Variants in TMEM74 observed in about 807,000 individuals in gnomAD.
TMEM74 encodes the protein transmembrane protein 74.
A neutral mutation model predicts 18.1 loss-of-function variants in TMEM74; 13 were observed. That is an observed-to-expected ratio of 0.72 (90% confidence interval 0.47 to 1.14). The LOEUF is 1.14. Among genes scored for constraint, TMEM74 ranks in the 50% most tolerant of loss-of-function variants. The pLI, the probability that TMEM74 is intolerant of heterozygous loss-of-function variation, is 0.00. For synonymous variants in TMEM74, 159 were observed against 146.6 expected, an observed-to-expected ratio of 1.08 and a Z score of -0.61; for missense variants, 372 against 375.9, an observed-to-expected ratio of 0.99 and a Z score of 0.09.
intron 1 of TMEM74, among the ~76,000 whole-genome samples, chr8:108,759,864 T>A (rs756825365): frequency 6.6e-6 from 1 of 152,118 alleles, no homozygotes; most frequent in Non-Finnish European, 1.5e-5. Flanking sequence ...TTTTGACCTG[T>A]AATAGGAAGA....
chr8:108,688,330 A>C (rs1293911535), intron 1 of TMEM74, among the ~76,000 whole-genome samples: 1 of 152,240 alleles, frequency 6.6e-6, no homozygotes, highest in Admixed American at 6.5e-5. Flanking sequence ...TTTCTTAGAT[A>C]CTGCCCTTGA....
At chr8:108,615,484 T>TA (rs1419293382) in intron 2 of TMEM74, among the ~76,000 whole-genome samples, 2 of 152,218 alleles carry the variant, frequency 1.3e-5, no homozygotes, top group Non-Finnish European at 2.9e-5. Flanking sequence ...GCCACTTCTC[T>TA]ATTGACAACT....
intron 1 of TMEM74, among the ~76,000 whole-genome samples, chr8:108,769,115 C>T (rs1814142916): frequency 6.7e-6 from 1 of 150,154 alleles, no homozygotes. Context: ...CCAGCCTGGC[C>T]AACATGGTGA....
chr8:108,667,877 G>A lies in TMEM74; in HGVS notation n.120-12440C>T, dbSNP rs570391138. On this transcript the variant is annotated intron_variant and non_coding_transcript_variant, in intron 1 of 3. Transcript: ENST00000518838. ...CCTCTTTAAATGAACGAAATTGAACGCCTAGTACCTCCTCCCATAATACTA... is the reference window on the plus strand; with the variant it reads ...CCTCTTTAAATGAACGAAATTGAACACCTAGTACCTCCTCCCATAATACTA... Among the ~76,000 whole-genome samples, 12 of 152,084 alleles carry A rather than the reference G, an allele frequency of 7.9e-5. No homozygotes were observed. In the East Asian group the frequency reaches 1.5e-3, roughly 20 times the overall value.
intron 2 of TMEM74, among the ~76,000 whole-genome samples, chr8:108,620,150 G>A (rs1015092474): frequency 2.0e-5 from 3 of 152,170 alleles, no homozygotes; most frequent in African/African-American, 7.2e-5. Context: ...GTTAATGCAT[G>A]TATGTTATAC....
At position 108,787,503 on chromosome 8, in the gene TMEM74, C is replaced by A. The variant is rs1158114043; in HGVS notation, c.-67G>T. ...TCTGCTTCGGCCACCCGGTGCGGCT[C>A]CAGCACCGCGCGCTCTCCCGGCACG... is the stretch of plus-strand genomic sequence containing the variant. On this transcript the variant is annotated 5_prime_UTR_variant, in exon 1 of 2. Coordinates refer to ENST00000297459, the MANE Select transcript of TMEM74 (RefSeq NM_153015.3). The A allele has an allele frequency of 6.5e-6, 1 of 152,758 alleles. No homozygotes were observed. The highest frequency in any genetic ancestry group is 1.5e-5 in the Non-Finnish European group (1 of 68,528). The allele number at this position is 152,758 out of a possible 1,614,324, so 9.5% of individuals were successfully genotyped here. A position where few individuals can be genotyped will look rare whatever the true frequency, so the allele number is the denominator to read the frequency against.
rs1370016836 is a variant in TMEM74, at chr8:108,780,768, A to G, written c.*3413T>C. ...GGCCTCCAAGAACTTCATGGTTCCA[A>G]GCAGTCTTGTCTTCCTGTAAACTAT... is the stretch of plus-strand genomic sequence containing the variant. On this transcript the variant is annotated 3_prime_UTR_variant, in exon 2 of 2. Transcript: ENST00000297459. Among the ~76,000 whole-genome samples, 1 of 152,182 alleles carries G rather than the reference A, an allele frequency of 6.6e-6. No homozygotes were observed. Among genetic ancestry groups the G allele is most frequent in the Non-Finnish European group, 1.5e-5 (1 of 68,020 alleles).
chr8:108,784,379 C>T lies in TMEM74; in HGVS notation c.720G>A (p.Thr240=), dbSNP rs768735594. 33 of 1,613,980 alleles carry T rather than the reference C, an allele frequency of 2.0e-5. No individual in the cohort carries two copies. Among genetic ancestry groups the T allele is most frequent in the Non-Finnish European group, 2.7e-5 (32 of 1,180,034 alleles). Reference sequence around the variant, plus strand: ...AGCAGGACAGGATGACGCCCCCCAGCGTGAGGAGGCAGAGCCCCGCAATCA... The same window carrying T: ...AGCAGGACAGGATGACGCCCCCCAGTGTGAGGAGGCAGAGCCCCGCAATCA... The part of the protein sequence containing the change: ...RCVIAGLCLL[T]LGGVILSCLL... Residue 240 remains threonine, a synonymous_variant, in exon 2 of 2, where the codon ACG becomes ACA. Transcript: ENST00000297459.
chr8:108,707,508 G>T (rs914192980), intron 1 of TMEM74, among the ~76,000 whole-genome samples: 1 of 152,090 alleles, frequency 6.6e-6, no homozygotes, highest in African/African-American at 2.4e-5. Context: ...TGGTTTTAAA[G>T]CCTATGATGT....
At chr8:108,684,094 T>C (rs970539035) in intron 1 of TMEM74, among the ~76,000 whole-genome samples, 5 of 152,102 alleles carry the variant, frequency 3.3e-5, no homozygotes, top group African/African-American at 1.2e-4. Flanking sequence ...AATTTAATGA[T>C]TTCCTTTGCT....
intron 2 of TMEM74, among the ~76,000 whole-genome samples, chr8:108,616,386 C>T (rs1426203887): frequency 6.6e-6 from 1 of 152,178 alleles, no homozygotes; most frequent in African/African-American, 2.4e-5. Flanking sequence ...CAATGCTTAG[C>T]TACAATCTGC....
rs1338236295 is a variant in TMEM74 at position 108,784,685 on chromosome 8, C to T, written c.414G>A (p.Glu138=). 1 of 1,614,184 alleles carries T rather than the reference C, an allele frequency of 6.2e-7. No individual in the cohort carries two copies. Among genetic ancestry groups the T allele is most frequent in the Non-Finnish European group, 8.5e-7 (1 of 1,180,016 alleles). The change falls in exon 2 of 2, where the codon GAG becomes GAA. Residue 138 remains glutamate (E), a synonymous_variant. Transcript: ENST00000297459. The stretch of plus-strand genomic sequence containing the variant: ...ACTCATTTGGATTTTCCCAGCCAAG[C>T]TCCCCAGGGTGATTATGCCCTTTTG... ...PSAKGHNHPG[E]LGWENPNEWS...
chr8:108,706,200 C>T (rs905553637), intron 1 of TMEM74, among the ~76,000 whole-genome samples: 3 of 152,352 alleles, frequency 2.0e-5, no homozygotes, highest in Non-Finnish European at 2.9e-5. Context: ...ATTAGCTCAA[C>T]ACGTATCTGT....
intron 1 of TMEM74, among the ~76,000 whole-genome samples, chr8:108,761,144 C>T (rs1814039281): frequency 6.6e-6 from 1 of 152,090 alleles, no homozygotes. Context: ...ACCAGTATAA[C>T]TGAAACTAAA....
intron 2 of TMEM74, among the ~76,000 whole-genome samples, chr8:108,627,347 G>A (rs1234259968): frequency 6.6e-6 from 1 of 151,976 alleles, no homozygotes; most frequent in Admixed American, 6.6e-5. Flanking sequence ...GTGGGAGATA[G>A]TATGACATAG....
intron 1 of TMEM74, among the ~76,000 whole-genome samples, chr8:108,666,152 A>G (rs1446617016): frequency 6.6e-6 from 1 of 152,190 alleles, no homozygotes; most frequent in Non-Finnish European, 1.5e-5. Flanking sequence ...CAAACTCTCC[A>G]ATTGAAAGCT....
chr8:108,768,158 T>G (rs1814131285), intron 1 of TMEM74, among the ~76,000 whole-genome samples: 1 of 152,142 alleles, frequency 6.6e-6, no homozygotes, highest in South Asian at 2.1e-4. Context: ...GACCTCAAAC[T>G]CAACATATCC....
At chr8:108,708,000 T>C (rs574566257) in intron 1 of TMEM74, among the ~76,000 whole-genome samples, 6 of 152,244 alleles carry the variant, frequency 3.9e-5, no homozygotes, top group African/African-American at 1.4e-4. Flanking sequence ...AGTACTTGGA[T>C]AGGTAGTTTT....
At position 108,760,622 on chromosome 8, in the gene TMEM74, G is replaced by T. The variant is rs541988697; in HGVS notation, n.119+26854C>A. 9.2e-5 allele frequency among the ~76,000 whole-genome samples: 14 copies of T among 152,060 alleles called. No individual in the cohort carries two copies. The South Asian group carries it at 2.7e-3, about 29-fold the overall frequency. ...TCAGGAAGCTCTCCTTGGAAGAGATGCAATTATCCCCTTGCCCTTTTTCAA... is the reference window on the plus strand; with the variant it reads ...TCAGGAAGCTCTCCTTGGAAGAGATTCAATTATCCCCTTGCCCTTTTTCAA... On this transcript the variant is annotated intron_variant and non_coding_transcript_variant, in intron 1 of 3. Transcript: ENST00000518838.
Sources: allele counts gnomAD v4.1 joint callset (sites outside exome capture counted in the v4.1 genomes callset), GRCh38; gene constraint gnomAD v4.1.1; transcripts MANE v1.5; gene names NCBI Gene and HGNC (gene_info 2026-07-23, HGNC 2026-07-21).